The following IFT80 variants were observed in gnomAD, a reference collection of about 807,000 sequenced individuals.
The protein encoded by IFT80 is intraflagellar transport 80, also known as intraflagellar transport protein 80 homolog.
In IFT80, 79 loss-of-function variants were observed where a neutral mutation model predicts 107.9. That is an observed-to-expected ratio of 0.73 (90% CI 0.61 to 0.88). The LOEUF is 0.88. Among genes scored for constraint, IFT80 ranks in the 40% least tolerant of loss-of-function variants. The probability of loss-of-function intolerance (pLI) is 0.00; values close to 1 mark genes in which losing one functional copy is unlikely to be tolerated. For missense variants in IFT80, 797 were observed against 914.2 expected (o/e 0.87, Z 1.65); for synonymous variants, 299 against 300.9 (o/e 0.99, Z 0.07).
At chr3:160,285,323 T>C (rs1025334892) in intron 13 of IFT80, among the ~76,000 whole-genome samples, 13 of 152,230 alleles carry the variant, frequency 8.5e-5, no homozygotes, top group African/African-American at 3.1e-4. Flanking sequence ...GCAATGTGCT[T>C]CTTTTTCTAA....
chr3:160,349,342 G>A (rs550026167), intron 8 of IFT80, among the ~76,000 whole-genome samples: 5 of 152,036 alleles, frequency 3.3e-5, no homozygotes, highest in East Asian at 3.9e-4. Context: ...CCAGCTACTC[G>A]GGAGGCTGAG....
chr3:160,312,386 A>T (rs1038116034), intron 9 of IFT80, among the ~76,000 whole-genome samples: 1 of 150,540 alleles, frequency 6.6e-6, no homozygotes, highest in African/African-American at 2.4e-5. Context: ...AGACACTTGG[A>T]TCTAGTCCCT....
rs528719178 is a variant in IFT80, at chr3:160,324,601, A to G, written c.778-4662T>C. On this transcript the variant is annotated intron_variant, in intron 8 of 19. Transcript: ENST00000326448. ...ACAACCCTTCATGCTAAAAACTCTC[A>G]ATAAATTAGGTATTGATGGGACATA... 1.7e-3 allele frequency among the ~76,000 whole-genome samples: 261 copies of G among 152,292 alleles called. 1 individual carries two copies. The highest frequency in any genetic ancestry group is 6.4e-3 in the South Asian group (31 of 4,820).
chr3:160,282,065 C>T (rs999574800), intron 14 of IFT80, among the ~76,000 whole-genome samples: 3 of 152,190 alleles, frequency 2.0e-5, no homozygotes, highest in Non-Finnish European at 2.9e-5. Context: ...ATGGCTTGAG[C>T]TCAGGAGTTC....
At chr3:160,369,666 T>C (rs1183927148) in intron 5 of IFT80, among the ~76,000 whole-genome samples, 5 of 152,038 alleles carry the variant, frequency 3.3e-5, no homozygotes, top group Non-Finnish European at 7.4e-5. Flanking sequence ...TTCCCAGTGC[T>C]ATGTTTCGCT....
chr3:160,331,105 C>T (rs989980879), intron 8 of IFT80, among the ~76,000 whole-genome samples: 1 of 152,150 alleles, frequency 6.6e-6, no homozygotes, highest in Admixed American at 6.5e-5. Context: ...AAAGGAAGCA[C>T]TTTATGGCTT....
chr3:160,398,930 A>T (rs1714111378), intron 1 of IFT80, among the ~76,000 whole-genome samples: 1 of 152,178 alleles, frequency 6.6e-6, no homozygotes, highest in Admixed American at 6.5e-5. Context: ...CTAAGCTATC[A>T]CGAATCCAGG....
chr3:160,301,628 A>AT (rs934937540), intron 11 of IFT80, among the ~76,000 whole-genome samples: 6 of 151,886 alleles, frequency 4.0e-5, no homozygotes, highest in Non-Finnish European at 5.9e-5. Context: ...AAAAACACCT[A>AT]TTTTTTTGCC....
chr3:160,356,581 CATG>C (rs1721107918), intron 7 of IFT80, among the ~76,000 whole-genome samples: 1 of 152,152 alleles, frequency 6.6e-6, no homozygotes, highest in Non-Finnish European at 1.5e-5. Context: ...AGTACAGTAG[CATG>C]ATCATAGCTC....
At chr3:160,317,964 T>A (rs1717936535) in intron 9 of IFT80, among the ~76,000 whole-genome samples, 1 of 151,734 alleles carries the variant, frequency 6.6e-6, no homozygotes, top group African/African-American at 2.4e-5. Flanking sequence ...TATTTGATAA[T>A]ATTAAGAAAT....
Position 160,289,711 on chromosome 3 carries a change from C to G in IFT80, c.1316-3843G>C, listed in dbSNP as rs186884240. On this transcript the variant is annotated intron_variant, in intron 12 of 19. Coordinates refer to ENST00000326448, the MANE Select transcript of IFT80 (RefSeq NM_020800.3). ...GAAAGCAGAAAGGCAAAGATGGCAACAAGAAACCTGACCTTCAATTACCTG... is the reference window on the plus strand; with the variant it reads ...GAAAGCAGAAAGGCAAAGATGGCAAGAAGAAACCTGACCTTCAATTACCTG... 4.6e-5 allele frequency among the ~76,000 whole-genome samples: 7 copies of G among 152,268 alleles called. No homozygotes were observed. In the East Asian group the frequency reaches 9.6e-4, roughly 21 times the overall value.
intron 12 of IFT80, among the ~76,000 whole-genome samples, chr3:160,287,432 G>A (rs558698748): frequency 1.1e-4 from 16 of 152,104 alleles, no homozygotes; most frequent in Non-Finnish European, 2.1e-4. Context: ...CATTAACTCC[G>A]GGTAGTGTAG....
intron 18 of IFT80, among the ~76,000 whole-genome samples, chr3:160,271,600 G>T (rs887395768): frequency 6.6e-6 from 1 of 152,004 alleles, no homozygotes; most frequent in African/African-American, 2.4e-5. Flanking sequence ...ACCTTATTAG[G>T]TTGCAGGCAA....
intron 4 of IFT80, among the ~76,000 whole-genome samples, 198 bp from the exon 5 acceptor site, chr3:160,376,078 T>C (rs945728916): frequency 3.9e-5 from 6 of 152,238 alleles, no homozygotes; most frequent in African/African-American, 1.4e-4. Context: ...TATCATTTAA[T>C]AGAAATTACG....
In IFT80 at chr3:160,356,142, A is replaced by G. The variant is rs1284824979; in HGVS notation, c.648T>C (p.Asp216=). The G allele has an allele frequency of 6.2e-7, 1 of 1,613,024 alleles. No individual in the cohort carries two copies. Among genetic ancestry groups the G allele is most frequent in the East Asian group, 2.2e-5 (1 of 44,854 alleles). ...AATTGTACAGTGGGCGGCCGTAACT[A>G]TCCCATACCTACAAAAGCAATTTTT... is the stretch of plus-strand genomic sequence containing the variant. ...AGEDCKYKVW[D]SYGRPLYNSQ... Residue 216 remains aspartate, a synonymous_variant, in exon 8 of 20, where the codon GAT becomes GAC. Transcript: ENST00000326448.
chr3:160,291,369 T>C (rs1715536452), intron 12 of IFT80, among the ~76,000 whole-genome samples: 1 of 152,238 alleles, frequency 6.6e-6, no homozygotes, highest in Admixed American at 6.5e-5. Flanking sequence ...AAATGAAATG[T>C]ATTGAGTAGG....
In IFT80 at chr3:160,274,767, C is replaced by T. The variant is rs376167790; in HGVS notation, c.2099+2539G>A. 4.6e-5 allele frequency among the ~76,000 whole-genome samples: 7 copies of T among 152,024 alleles called. No individual in the cohort carries two copies. The East Asian group carries it at 7.7e-4, about 17-fold the overall frequency. On this transcript the variant is annotated intron_variant, in intron 18 of 19. Transcript: ENST00000326448. ...CAGCCTGGCCAACATGGTGAAAGCC[C>T]GTCTCTACTACAAGTACAAAAATTA...
At position 160,354,569 on chromosome 3, in the gene IFT80, C is replaced by T. The variant is rs115235407; in HGVS notation, c.777+1444G>A. Among the ~76,000 whole-genome samples the T allele has an allele frequency of 3.9e-3, 601 of 152,198 alleles. 1 individual carries two copies. Among genetic ancestry groups the T allele is most frequent in the Middle Eastern group, 0.02 (6 of 294 alleles). ...TAGGGAGGCTAAGGTAGGAGAATGG[C>T]GTGAACCTGGTAGGCGGAGCCTGCA... On this transcript the variant is annotated intron_variant, in intron 8 of 19. Transcript: ENST00000326448.
At chr3:160,337,457 A>G (rs1719580315) in intron 8 of IFT80, among the ~76,000 whole-genome samples, 2 of 151,832 alleles carry the variant, frequency 1.3e-5, no homozygotes. Flanking sequence ...AACCCCATCT[A>G]CTAAAAATAC....
Sources: gnomAD v4.1 joint callset for allele counts (sites outside exome capture counted in the v4.1 genomes callset) on GRCh38, gnomAD v4.1.1 for gene constraint, MANE v1.5 for transcripts, NCBI Gene and HGNC (gene_info 2026-07-23, HGNC 2026-07-21) for gene names.